KSR1: variants seen among roughly 807,000 people sequenced by gnomAD.
KSR1 encodes the protein kinase suppressor of ras 1.
In KSR1, 35 loss-of-function variants were observed where a neutral mutation model predicts 92.9. The ratio of observed to expected loss-of-function variants is 0.38; its 90% confidence interval spans 0.29 to 0.50. The LOEUF (loss-of-function observed/expected upper bound fraction) is 0.50, where lower values mean the gene tolerates loss of function less well. Ranked by LOEUF, KSR1 falls within the 20% of genes least tolerant of loss-of-function variation. KSR1 has a pLI of 0.94. For synonymous variants in KSR1, 467 were observed against 472.6 expected (o/e 0.99, Z 0.15); for missense variants, 972 against 1,158.5 (o/e 0.84, Z 2.34).
At chr17:27,537,903 C>G (rs894519782) in intron 1 of KSR1, among the ~76,000 whole-genome samples, 11 of 152,180 alleles carry the variant, frequency 7.2e-5, no homozygotes, top group African/African-American at 1.7e-4. Flanking sequence ...AATAAAACTT[C>G]TAGAACCCAG....
At chr17:27,530,464 C>T (rs946807828) in intron 1 of KSR1, among the ~76,000 whole-genome samples, 3 of 151,904 alleles carry the variant, frequency 2.0e-5, no homozygotes, top group African/African-American at 7.3e-5. Context: ...AAAAAAGACC[C>T]AGCAGGGCAG....
intron 2 of KSR1, among the ~76,000 whole-genome samples, chr17:27,555,369 C>G: frequency 6.6e-6 from 1 of 152,168 alleles, no homozygotes; most frequent in East Asian, 1.9e-4. Context: ...AGGCTCATGT[C>G]TTTTTCTTTT....
intron 1 of KSR1, among the ~76,000 whole-genome samples, chr17:27,467,361 G>C (rs2019745705): frequency 6.6e-6 from 1 of 152,240 alleles, no homozygotes; most frequent in South Asian, 2.1e-4. Flanking sequence ...GCGGGCAAGG[G>C]AGAAACTTAC....
At chr17:27,521,334 CTTTTTT>C (rs759201177) in intron 1 of KSR1, among the ~76,000 whole-genome samples, 1 of 134,946 alleles carries the variant, frequency 7.4e-6, no homozygotes, top group African/African-American at 2.7e-5. Context: ...AAGGCCATTC[CTTTTTT>C]TTTTTTTTTT....
intron 1 of KSR1, among the ~76,000 whole-genome samples, chr17:27,474,245 AGCTTGTCAAAGCCGTAGT>A (rs1555564832): frequency 6.6e-6 from 1 of 152,258 alleles, no homozygotes; most frequent in Non-Finnish European, 1.5e-5. Context: ...CTTAGCACCC[AGCTTGTCAAAGCCGTAGT>A]GCTACTTGTT....
In KSR1 at chr17:27,600,311, G is replaced by A. The variant is rs140219308; in HGVS notation, c.1469-1049G>A. Among the ~76,000 whole-genome samples the A allele has an allele frequency of 3.2e-3, 479 of 151,932 alleles. 7 individuals carry two copies. Among genetic ancestry groups the A allele is most frequent in the African/African-American group, 0.011 (454 of 41,430 alleles). ...TTAGCCAGGCATGGTGGTGGGCTGG[G>A]TGCCTGTAATCCCAGCTATTTGGGA... On this transcript the variant is annotated intron_variant, in intron 10 of 20. Transcript: ENST00000644974.
chr17:27,518,431 C>T (rs762513822), intron 1 of KSR1, among the ~76,000 whole-genome samples: 12 of 152,168 alleles, frequency 7.9e-5, no homozygotes, highest in African/African-American at 1.4e-4. Flanking sequence ...GTTTTCTTTC[C>T]GTCCTTTCTT....
intron 2 of KSR1, among the ~76,000 whole-genome samples, chr17:27,568,792 T>C (rs1017465445): frequency 6.6e-6 from 1 of 152,216 alleles, no homozygotes; most frequent in Non-Finnish European, 1.5e-5. Context: ...CGTAGAGGAA[T>C]AGTGTCCCTG....
At chr17:27,469,887 T>C (rs2019889221) in intron 1 of KSR1, among the ~76,000 whole-genome samples, 1 of 152,144 alleles carries the variant, frequency 6.6e-6, no homozygotes, top group African/African-American at 2.4e-5. Context: ...ACAATGTGAA[T>C]GGAATCGTCT....
intron 11 of KSR1, chr17:27,601,799 C>A: frequency 1.1e-6 from 1 of 887,646 alleles, no homozygotes; most frequent in Non-Finnish European, 1.8e-6. Flanking sequence ...GGGAGGATAT[C>A]TTATGCACAA....
chr17:27,483,272 A>G (rs1256583713), intron 1 of KSR1, among the ~76,000 whole-genome samples: 2 of 152,356 alleles, frequency 1.3e-5, no homozygotes, highest in South Asian at 2.1e-4. Flanking sequence ...GTTAGAGCCT[A>G]TCAGCTCAGT....
At chr17:27,585,578 C>G in intron 4 of KSR1, 79 bp from the exon 5 acceptor site, 2 of 723,550 alleles carry the variant, frequency 2.8e-6, no homozygotes, top group Non-Finnish European at 5.2e-6. Flanking sequence ...TGCCTGCTCC[C>G]GCCCAAGGGT....
chr17:27,592,734 T>C, intron 9 of KSR1, 108 bp downstream of exon 9: 1 of 872,994 alleles, frequency 1.1e-6, no homozygotes, highest in Non-Finnish European at 1.7e-6. Flanking sequence ...GACACCACCG[T>C]CTCAGATTTG....
intron 1 of KSR1, among the ~76,000 whole-genome samples, chr17:27,484,668 T>G (rs1205495213): frequency 6.6e-6 from 1 of 151,482 alleles, no homozygotes; most frequent in African/African-American, 2.4e-5. Context: ...CCTGGGGAGC[T>G]TGAGGTCCTG....
chr17:27,588,466 T>C lies in KSR1; in HGVS notation c.986-9T>C. ...CCTCAGCCTGCCCATCCGGCCTCTT[T>C]CCCTGCAGATCTCTCGCATGGATCC... On this transcript the variant is annotated splice_polypyrimidine_tract_variant and intron_variant, in intron 5 of 20. Transcript: ENST00000644974. The C allele has an allele frequency of 6.4e-7, 1 of 1,571,796 alleles. No homozygotes were observed.
intron 2 of KSR1, chr17:27,560,284 TAGCAA>T: frequency 2.0e-5 from 8 of 398,354 alleles, no homozygotes; most frequent in Non-Finnish European, 2.5e-5. Context: ...TTTTTTTCTT[TAGCAA>T]TTTCCCGGTT....
intron 16 of KSR1, among the ~76,000 whole-genome samples, chr17:27,609,664 G>A (rs2073860716): frequency 6.6e-6 from 1 of 152,208 alleles, no homozygotes; most frequent in Non-Finnish European, 1.5e-5. Context: ...TAGGGAGAAA[G>A]GCCCCTCCCC....
chr17:27,528,866 C>G (rs1465550217), intron 1 of KSR1, among the ~76,000 whole-genome samples: 1 of 152,124 alleles, frequency 6.6e-6, no homozygotes, highest in Non-Finnish European at 1.5e-5. Context: ...GGTCATGCCA[C>G]TGCACTTCAC....
At position 27,545,337 on chromosome 17, in the gene KSR1, C is replaced by T. The variant is rs546412048; in HGVS notation, c.232-5231C>T. Among the ~76,000 whole-genome samples, 4 of 152,320 alleles carry T rather than the reference C, an allele frequency of 2.6e-5. No individual in the cohort carries two copies. In the South Asian group the frequency reaches 8.3e-4, roughly 32 times the overall value. On this transcript the variant is annotated intron_variant, in intron 1 of 20. Coordinates refer to ENST00000644974, the MANE Select transcript of KSR1 (RefSeq NM_001394583.1). ...CTGCCATTTGATAAACTTTGTGTGC[C>T]TGTCTGGCACAATGTATTGTGTTTG...
Sources: gnomAD v4.1 joint callset for allele counts (sites outside exome capture counted in the v4.1 genomes callset) on GRCh38, gnomAD v4.1.1 for gene constraint, MANE v1.5 for transcripts, NCBI Gene and HGNC (gene_info 2026-07-23, HGNC 2026-07-21) for gene names.